PABPC4L: variants seen among roughly 807,000 people sequenced by gnomAD.
The protein encoded by PABPC4L is polyadenylate-binding protein 4-like.
For missense variants in PABPC4L, 452 were observed against 451.4 expected, an observed-to-expected ratio of 1.00 and a Z score of -0.01; for synonymous variants, 169 against 164.1, an observed-to-expected ratio of 1.03 and a Z score of -0.23.
chr4:134,174,536 A>G, the PABPC4L span, among the ~76,000 whole-genome samples: 1 of 152,148 alleles, frequency 6.6e-6, no homozygotes, highest in South Asian at 2.1e-4. Context: ...AGGTGATAGT[A>G]ATTTTTCAGC....
the PABPC4L span, among the ~76,000 whole-genome samples, chr4:134,117,542 GA>G: frequency 6.6e-6 from 1 of 151,632 alleles, no homozygotes; most frequent in Non-Finnish European, 1.5e-5. Flanking sequence ...TTTATTTCCT[GA>G]CCATAGAAAC....
chr4:134,193,544 T>C (rs1171905017), downstream of PABPC4L, among the ~76,000 whole-genome samples: 1 of 151,992 alleles, frequency 6.6e-6, no homozygotes. Flanking sequence ...TTCCTGTCTC[T>C]TGAAAGAAAG....
the PABPC4L span, among the ~76,000 whole-genome samples, chr4:134,009,926 C>G: frequency 6.6e-6 from 1 of 151,960 alleles, no homozygotes; most frequent in Non-Finnish European, 1.5e-5. Flanking sequence ...AGTAGATTCT[C>G]ATTGATCTGG....
chr4:134,116,352 AG>A, the PABPC4L span, among the ~76,000 whole-genome samples: 13 of 151,870 alleles, frequency 8.6e-5, no homozygotes, highest in African/African-American at 3.1e-4. Flanking sequence ...GCAAAGGAAA[AG>A]TGACTAAAAG....
chr4:133,988,839 C>T, the PABPC4L span, among the ~76,000 whole-genome samples: 5 of 152,168 alleles, frequency 3.3e-5, no homozygotes, highest in Admixed American at 6.5e-5. Flanking sequence ...GCCCCTGCAA[C>T]GAACTTCTGC....
chr4:134,165,099 G>A, the PABPC4L span, among the ~76,000 whole-genome samples: 1 of 152,020 alleles, frequency 6.6e-6, no homozygotes, highest in Admixed American at 6.6e-5. Context: ...GAATGAAACT[G>A]GATCCCCATC....
At chr4:134,061,152 A>G in the PABPC4L span, among the ~76,000 whole-genome samples, 1 of 152,078 alleles carries the variant, frequency 6.6e-6, no homozygotes, top group Non-Finnish European at 1.5e-5. Flanking sequence ...TGTGATTATT[A>G]TGCATTTTAT....
chr4:134,189,165 C>A, the PABPC4L span, among the ~76,000 whole-genome samples: 1 of 152,056 alleles, frequency 6.6e-6, no homozygotes, highest in Non-Finnish European at 1.5e-5. Context: ...ATTCTCATTT[C>A]TCTGCATACA....
the PABPC4L span, among the ~76,000 whole-genome samples, chr4:134,178,957 A>T: frequency 6.6e-6 from 1 of 152,252 alleles, no homozygotes; most frequent in African/African-American, 2.4e-5. Context: ...AGAACTAAGC[A>T]ACTTAAAACA....
At chr4:134,127,472 C>G in the PABPC4L span, among the ~76,000 whole-genome samples, 2 of 152,094 alleles carry the variant, frequency 1.3e-5, no homozygotes, top group Non-Finnish European at 2.9e-5. Context: ...GCTCACATCA[C>G]AGGACTCTTT....
chr4:134,068,056 T>A, the PABPC4L span, among the ~76,000 whole-genome samples: 1 of 152,110 alleles, frequency 6.6e-6, no homozygotes, highest in Non-Finnish European at 1.5e-5. Flanking sequence ...AGTGTTGAGA[T>A]CAGGTCGTGA....
chr4:133,963,542 G>A, the PABPC4L span, among the ~76,000 whole-genome samples: 37 of 152,020 alleles, frequency 2.4e-4, no homozygotes, highest in Non-Finnish European at 4.4e-4. Flanking sequence ...GAATAAACAT[G>A]CTATTCAACA....
chr4:133,979,648 A>G, the PABPC4L span, among the ~76,000 whole-genome samples: 1 of 152,258 alleles, frequency 6.6e-6, no homozygotes, highest in African/African-American at 2.4e-5. Flanking sequence ...GTCCTCTCAC[A>G]TTTACCAGAT....
the PABPC4L span, among the ~76,000 whole-genome samples, chr4:133,989,064 A>G: frequency 6.6e-6 from 1 of 152,156 alleles, no homozygotes; most frequent in African/African-American, 2.4e-5. Context: ...CATGTCCTGA[A>G]GATGCACAGA....
chr4:134,129,719 T>C, the PABPC4L span, among the ~76,000 whole-genome samples: 1 of 151,972 alleles, frequency 6.6e-6, no homozygotes, highest in Admixed American at 6.6e-5. Context: ...TCAAAACCTC[T>C]GGGATACAGC....
chr4:134,155,989 C>T, the PABPC4L span, among the ~76,000 whole-genome samples: 10 of 151,900 alleles, frequency 6.6e-5, no homozygotes, highest in African/African-American at 1.7e-4. Context: ...GTATTGCTCA[C>T]GTTTGCATAT....
In PABPC4L at chr4:134,201,075, T is replaced by A. The variant is rs760554983; in HGVS notation, c.-56A>T. 1 of 1,551,240 alleles carries A rather than the reference T, an allele frequency of 6.4e-7. No individual in the cohort carries two copies. The highest frequency in any genetic ancestry group is 8.7e-7 in the Non-Finnish European group (1 of 1,146,928). Reference sequence around the variant, plus strand: ...CCTGGAGTTCTTTGAGCAATCCCTGTGGGGGGATACTAGGTCACAGCTTTG... The same window carrying A: ...CCTGGAGTTCTTTGAGCAATCCCTGAGGGGGGATACTAGGTCACAGCTTTG... On this transcript the variant is annotated 5_prime_UTR_variant, in exon 2 of 2. Transcript: ENST00000421491.
At chr4:133,978,808 G>C in the PABPC4L span, 8 of 152,086 alleles carry the variant, frequency 5.3e-5, no homozygotes, top group East Asian at 1.5e-3. Flanking sequence ...TTAGCAAATT[G>C]CAGAGATTTT....
chr4:133,970,671 C>G, the PABPC4L span, among the ~76,000 whole-genome samples: 3 of 152,088 alleles, frequency 2.0e-5, no homozygotes, highest in African/African-American at 7.2e-5. Flanking sequence ...AAAATTCATA[C>G]GTTGAAATTC....
Sources: allele counts gnomAD v4.1 joint callset (sites outside exome capture counted in the v4.1 genomes callset), GRCh38; gene constraint gnomAD v4.1.1; transcripts MANE v1.5; gene names NCBI Gene and HGNC (gene_info 2026-07-23, HGNC 2026-07-21).